The following CFAP61 variants were observed in gnomAD, a reference collection of about 807,000 sequenced individuals.
CFAP61 encodes the protein cilia and flagella associated protein 61.
A neutral mutation model predicts 135.6 loss-of-function variants in CFAP61; 107 were observed. That is an observed-to-expected ratio of 0.79 (90% CI 0.67 to 0.93). CFAP61 has a LOEUF of 0.93. Among genes scored for constraint, CFAP61 ranks in the 40% least tolerant of loss-of-function variants. The pLI is 0.00. For missense variants in CFAP61, 1,507 were observed against 1,556.2 expected, an observed-to-expected ratio of 0.97 and a Z score of 0.53; for synonymous variants, 575 against 578.5, an observed-to-expected ratio of 0.99 and a Z score of 0.09.
chr20:20,060,881 C>G (rs944541862), intron 2 of CFAP61, among the ~76,000 whole-genome samples: 1 of 152,224 alleles, frequency 6.6e-6, no homozygotes, highest in African/African-American at 2.4e-5. Context: ...CTGAGCTCCC[C>G]GCTAGCAACT....
intron 26 of CFAP61, among the ~76,000 whole-genome samples, chr20:20,347,166 G>T (rs115206715): frequency 1.1e-4 from 17 of 152,058 alleles, no homozygotes; most frequent in African/African-American, 3.9e-4. Flanking sequence ...GGTCAAAAAA[G>T]AAATAAAAAA....
chr20:20,351,471 A>C (rs2058833803), intron 26 of CFAP61, among the ~76,000 whole-genome samples: 1 of 151,846 alleles, frequency 6.6e-6, no homozygotes, highest in Admixed American at 6.6e-5. Context: ...AATCCCAGCT[A>C]CTCAGGAGGC....
At chr20:20,164,026 G>T in intron 10 of CFAP61, 24 bp from the exon 11 acceptor site, 2 of 1,574,702 alleles carry the variant, frequency 1.3e-6, no homozygotes, top group Non-Finnish European at 1.7e-6. Flanking sequence ...ATTCTCATTG[G>T]CTCCTCCTGT....
At chr20:20,355,186 A>G (rs1389539876) in intron 26 of CFAP61, among the ~76,000 whole-genome samples, 4 of 130,428 alleles carry the variant, frequency 3.1e-5, no homozygotes, top group African/African-American at 9.1e-5. Context: ...AGAAGGTCAC[A>G]CTAAGGGGAG....
chr20:20,327,180 A>G (rs1386512494), intron 25 of CFAP61, among the ~76,000 whole-genome samples: 1 of 152,150 alleles, frequency 6.6e-6, no homozygotes, highest in African/African-American at 2.4e-5. Context: ...TCTTTGACAG[A>G]TGATTATCAG....
intron 25 of CFAP61, among the ~76,000 whole-genome samples, chr20:20,328,277 G>A (rs890743228): frequency 3.3e-5 from 5 of 152,242 alleles, no homozygotes; most frequent in African/African-American, 1.2e-4. Flanking sequence ...GAATGGAGCT[G>A]TTAGGGAGAC....
At chr20:20,129,519 A>G (rs1421522925) in intron 8 of CFAP61, among the ~76,000 whole-genome samples, 1 of 150,980 alleles carries the variant, frequency 6.6e-6, no homozygotes, top group African/African-American at 2.5e-5. Context: ...TGATCAGTTT[A>G]TTATATGCCT....
At chr20:20,334,094 G>A (rs2058090766) in intron 25 of CFAP61, among the ~76,000 whole-genome samples, 1 of 152,190 alleles carries the variant, frequency 6.6e-6, no homozygotes, top group African/African-American at 2.4e-5. Flanking sequence ...GGGAGCCCAG[G>A]GTGTGGGAGG....
chr20:20,077,306 C>T (rs78698884), intron 6 of CFAP61, among the ~76,000 whole-genome samples: 1 of 152,148 alleles, frequency 6.6e-6, no homozygotes, highest in East Asian at 1.9e-4. Context: ...TGAGTGAAGG[C>T]AGACTTAGAA....
At chr20:20,166,285 T>G (rs2053824076) in intron 11 of CFAP61, 112 bp from the exon 12 acceptor site, 3 of 775,556 alleles carry the variant, frequency 3.9e-6, no homozygotes, top group Admixed American at 2.0e-5. Context: ...ACATTCTGAC[T>G]AGTGGTTGGC....
intron 14 of CFAP61, among the ~76,000 whole-genome samples, chr20:20,190,558 G>A (rs1356754808): frequency 6.6e-6 from 1 of 152,040 alleles, no homozygotes; most frequent in East Asian, 1.9e-4. Context: ...CTATAGAGGT[G>A]ATGAAATCAT....
intron 21 of CFAP61, among the ~76,000 whole-genome samples, chr20:20,263,845 G>C (rs1306431014): frequency 6.6e-6 from 1 of 152,128 alleles, no homozygotes; most frequent in East Asian, 1.9e-4. Flanking sequence ...TGAGAAGATG[G>C]TTAGTGACCT....
At chr20:20,277,034 T>G (rs925084314) in intron 21 of CFAP61, 132 bp from the exon 22 acceptor site, 9 of 643,374 alleles carry the variant, frequency 1.4e-5, no homozygotes, top group African/African-American at 3.6e-5. Flanking sequence ...TCGCCGTTGC[T>G]AGGTAACACC....
intron 8 of CFAP61, among the ~76,000 whole-genome samples, chr20:20,106,000 C>CTATATATATATATATA (rs10523115): frequency 1.9e-5 from 2 of 102,650 alleles, no homozygotes; most frequent in Admixed American, 1.0e-4. Context: ...CTACTCTTGC[C>CTATATATATATATATA]TATATATATA....
chr20:20,123,501 G>A (rs539096992), intron 8 of CFAP61, among the ~76,000 whole-genome samples: 1 of 151,796 alleles, frequency 6.6e-6, no homozygotes, highest in East Asian at 1.9e-4. Flanking sequence ...ACCATTTGTT[G>A]ATAAGGGTGT....
intron 21 of CFAP61, among the ~76,000 whole-genome samples, chr20:20,271,608 C>T (rs1040813460): frequency 3.3e-5 from 5 of 152,208 alleles, no homozygotes; most frequent in African/African-American, 1.2e-4. Context: ...TACGGGTGCT[C>T]TGCCTGGACC....
chr20:20,076,296 C>G (rs1456767499), intron 6 of CFAP61, among the ~76,000 whole-genome samples: 1 of 152,196 alleles, frequency 6.6e-6, no homozygotes, highest in Non-Finnish European at 1.5e-5. Context: ...GATGCTTGCT[C>G]TGGAGGAAGC....
At chr20:20,311,982 C>A (rs2056860387) in intron 25 of CFAP61, among the ~76,000 whole-genome samples, 1 of 152,240 alleles carries the variant, frequency 6.6e-6, no homozygotes, top group Non-Finnish European at 1.5e-5. Flanking sequence ...TTGCTGCAGT[C>A]CGACTTAATA....
intron 17 of CFAP61, among the ~76,000 whole-genome samples, chr20:20,216,437 A>G (rs1414010592): frequency 3.9e-5 from 6 of 152,214 alleles, no homozygotes; most frequent in Admixed American, 3.9e-4. Context: ...CAGAGTGAGC[A>G]AAAGGGAGAA....
Sources: gnomAD v4.1 joint callset for allele counts (sites outside exome capture counted in the v4.1 genomes callset) on GRCh38, gnomAD v4.1.1 for gene constraint, MANE v1.5 for transcripts, NCBI Gene and HGNC (gene_info 2026-07-23, HGNC 2026-07-21) for gene names.